BPIFC: variants seen among roughly 807,000 people sequenced by gnomAD.
BPIFC encodes BPI fold containing family C.
BPIFC carries 60 observed loss-of-function variants against 57.6 expected under a neutral mutation model. The ratio of observed to expected loss-of-function variants is 1.04; its 90% confidence interval spans 0.85 to 1.29. The LOEUF (loss-of-function observed/expected upper bound fraction) is 1.29, where lower values mean the gene tolerates loss of function less well. BPIFC is among the 50% of genes most tolerant of loss of function. BPIFC has a pLI of 0.00. For synonymous variants in BPIFC, 243 were observed against 224.5 expected, an observed-to-expected ratio of 1.08 and a Z score of -0.74; for missense variants, 581 against 600.5, an observed-to-expected ratio of 0.97 and a Z score of 0.34.
At chr22:32,457,915 T>C (rs113183547) in intron 2 of BPIFC, among the ~76,000 whole-genome samples, 13 of 152,296 alleles carry the variant, frequency 8.5e-5, no homozygotes, top group Middle Eastern at 3.4e-3. Flanking sequence ...CTTCTCCTCT[T>C]ACCCTGGTTC....
chr22:32,451,632 C>T (rs2145959752), intron 4 of BPIFC, among the ~76,000 whole-genome samples: 1 of 152,102 alleles, frequency 6.6e-6, no homozygotes, highest in Non-Finnish European at 1.5e-5. Context: ...ACCAACATGG[C>T]ACATGTATAC....
Position 32,424,624 on chromosome 22 carries a change from CCTCCTCTTCTTCTTCTT to C in BPIFC, c.1218-5237_1218-5221del, listed in dbSNP as rs1933957906. ...TTCTCCTCCTCCTCCTCCTCCTCCT[CCTCCTCTTCTTCTTCTT>C]CTCTTCTTCTTCTTCTTCTTCTTCT... On this transcript the variant is annotated intron_variant, in intron 13 of 16. Coordinates refer to ENST00000300399, the MANE Select transcript of BPIFC (RefSeq NM_174932.3). 1.0e-4 allele frequency among the ~76,000 whole-genome samples: 5 copies of C among 48,574 alleles called. 1 individual carries two copies. Among genetic ancestry groups the C allele is most frequent in the African/African-American group, 9.1e-4 (5 of 5,524 alleles). 31.9% of individuals were successfully genotyped at this position (48,574 alleles called of 152,430 possible). A position where few individuals can be genotyped will look rare whatever the true frequency, so the allele number is the denominator to read the frequency against.
At chr22:32,459,676 T>A (rs1288489060) in intron 2 of BPIFC, among the ~76,000 whole-genome samples, 5 of 145,516 alleles carry the variant, frequency 3.4e-5, no homozygotes, top group African/African-American at 1.3e-4. Context: ...AAATAAAAAA[T>A]AAAAATTAAA....
chr22:32,432,604 C>T, intron 11 of BPIFC, 61 bp from the exon 12 acceptor site: 1 of 1,546,900 alleles, frequency 6.5e-7, no homozygotes, highest in East Asian at 2.3e-5. Flanking sequence ...AGGGAGATCA[C>T]AAGGTTAGGA....
intron 3 of BPIFC, among the ~76,000 whole-genome samples, chr22:32,454,264 G>A (rs575338617): frequency 6.6e-6 from 1 of 152,254 alleles, no homozygotes; most frequent in African/African-American, 2.4e-5. Context: ...TTAAGCTCAA[G>A]AATTTTTGGC....
chr22:32,449,693 C>T (rs1341957122), intron 4 of BPIFC, among the ~76,000 whole-genome samples: 1 of 151,840 alleles, frequency 6.6e-6, no homozygotes, highest in Non-Finnish European at 1.5e-5. Context: ...TATACAATGT[C>T]ACAGTGAACA....
At position 32,427,619 on chromosome 22, in the gene BPIFC, G is replaced by T. The variant is rs151028725; in HGVS notation, c.1217+3728C>A. On this transcript the variant is annotated intron_variant, in intron 13 of 16. Transcript: ENST00000300399. ...CTATCCAGATTCTCTCCTTCCTTCC[G>T]CTCGTGGCCGATCTCAGATGCTGCC... is the stretch of plus-strand genomic sequence containing the variant. 7.2e-5 allele frequency among the ~76,000 whole-genome samples: 11 copies of T among 152,074 alleles called. No homozygotes were observed. The East Asian group carries it at 2.1e-3, about 29-fold the overall frequency.
At chr22:32,428,939 T>C (rs1216321279) in intron 13 of BPIFC, among the ~76,000 whole-genome samples, 1 of 151,864 alleles carries the variant, frequency 6.6e-6, no homozygotes, top group Admixed American at 6.6e-5. Flanking sequence ...GGAAAAACAA[T>C]ATACTTACAA....
chr22:32,440,523 A>G (rs1267922338), intron 8 of BPIFC, among the ~76,000 whole-genome samples: 2 of 152,212 alleles, frequency 1.3e-5, no homozygotes, highest in Non-Finnish European at 2.9e-5. Flanking sequence ...CAAGGAACTC[A>G]TAGTCTTGGG....
intron 4 of BPIFC, among the ~76,000 whole-genome samples, chr22:32,452,510 G>A (rs541629482): frequency 1.3e-5 from 2 of 152,062 alleles, no homozygotes; most frequent in South Asian, 2.1e-4. Context: ...GTGGTGGCGG[G>A]TGCCTGTAGT....
intron 5 of BPIFC, among the ~76,000 whole-genome samples, 165 bp from the exon 6 acceptor site, chr22:32,446,161 T>C (rs753719227): frequency 5.9e-5 from 9 of 152,216 alleles, no homozygotes; most frequent in Non-Finnish European, 1.0e-4. Flanking sequence ...TGGGTGCTGA[T>C]TGAATATTCC....
chr22:32,454,476 T>C (rs965179222), intron 3 of BPIFC, among the ~76,000 whole-genome samples: 1 of 152,180 alleles, frequency 6.6e-6, no homozygotes. Flanking sequence ...TCAGCTTCTT[T>C]ATATGGAAGC....
At chr22:32,463,690 G>C (rs561313465) in intron 1 of BPIFC, among the ~76,000 whole-genome samples, 108 of 152,276 alleles carry the variant, frequency 7.1e-4, no homozygotes, top group Non-Finnish European at 5.9e-5. Flanking sequence ...AGGGTATTCC[G>C]ACATATTGGT....
intron 7 of BPIFC, among the ~76,000 whole-genome samples, chr22:32,443,049 G>T (rs901575353): frequency 6.6e-6 from 1 of 152,022 alleles, no homozygotes; most frequent in Non-Finnish European, 1.5e-5. Flanking sequence ...TGTTATACCC[G>T]AGGAACCTGC....
rs1277748399 is a variant in BPIFC at position 32,447,239 on chromosome 22, G to C, written c.347C>G (p.Thr116Arg). 2 of 1,613,616 alleles carry C rather than the reference G, an allele frequency of 1.2e-6. No individual in the cohort carries two copies. Among genetic ancestry groups the C allele is most frequent in the African/African-American group, 2.7e-5 (2 of 74,916 alleles). ...AAGTGGAGACTCGAACCCCCAGTCTGTGCTGATGTTGGCAGTGCCATGGTT... is the reference window on the plus strand; with the variant it reads ...AAGTGGAGACTCGAACCCCCAGTCTCTGCTGATGTTGGCAGTGCCATGGTT... ...LTNHGTANIS[T>R]DWGFESPLFQ... The change falls in exon 5 of 17, where the codon ACA becomes AGA. Residue 116 changes from threonine (T) to arginine (R), a missense_variant. Transcript: ENST00000300399.
chr22:32,419,585 C>G (rs967212371), intron 13 of BPIFC, among the ~76,000 whole-genome samples, 181 bp from the exon 14 acceptor site: 1 of 151,720 alleles, frequency 6.6e-6, no homozygotes, highest in Non-Finnish European at 1.5e-5. Flanking sequence ...AGGCAGATAA[C>G]TTGAGGTCAG....
intron 8 of BPIFC, among the ~76,000 whole-genome samples, chr22:32,439,598 A>G (rs62241172): frequency 0.13 from 19,133 of 147,302 alleles, 1,625 homozygotes; most frequent in Non-Finnish European, 0.19. Context: ...CTAAGCCACC[A>G]TAGTTTTTAT....
chr22:32,438,111 T>A (rs1569451966), intron 8 of BPIFC, among the ~76,000 whole-genome samples: 1 of 152,220 alleles, frequency 6.6e-6, no homozygotes, highest in Non-Finnish European at 1.5e-5. Flanking sequence ...GTCCCCCTTA[T>A]CTGCAGGGCA....
intron 13 of BPIFC, among the ~76,000 whole-genome samples, chr22:32,426,682 A>G (rs1934076394): frequency 6.6e-6 from 1 of 152,122 alleles, no homozygotes; most frequent in Non-Finnish European, 1.5e-5. Flanking sequence ...ACCTGAGGTC[A>G]GGAGTTCGAG....
Sources: gnomAD v4.1 joint callset for allele counts (sites outside exome capture counted in the v4.1 genomes callset) on GRCh38, gnomAD v4.1.1 for gene constraint, MANE v1.5 for transcripts, NCBI Gene and HGNC (gene_info 2026-07-23, HGNC 2026-07-21) for gene names.